The following ST7 variants were observed in gnomAD, a reference collection of about 807,000 sequenced individuals.
The protein encoded by ST7 is suppression of tumorigenicity 7, also known as suppressor of tumorigenicity 7 protein.
ST7 carries 28 observed loss-of-function variants against 78.7 expected under a neutral mutation model. The ratio of observed to expected loss-of-function variants is 0.36; its 90% CI spans 0.26 to 0.49. ST7 has a LOEUF of 0.49. ST7 is among the 20% of genes least tolerant of loss of function. The pLI is 0.99. For missense variants in ST7, 418 were observed against 696.0 expected (o/e 0.60, Z 4.49); for synonymous variants, 247 against 249.6 (o/e 0.99, Z 0.10).
chr7:117,145,204 CA>C (rs57611948), intron 9 of ST7, among the ~76,000 whole-genome samples: 40,875 of 150,360 alleles, frequency 0.27, 6,896 homozygotes, highest in African/African-American at 0.49. Context: ...GACCCCATCT[CA>C]AAAAAAAAGT....
rs1389441044 is a variant in ST7, at chr7:117,219,543, A to C, written c.1498+367A>C. Among the ~76,000 whole-genome samples the C allele has an allele frequency of 1.3e-5, 2 of 152,048 alleles. No individual in the cohort carries two copies. The highest frequency in any genetic ancestry group is 2.4e-5 in the African/African-American group (1 of 41,360). On this transcript the variant is annotated intron_variant, in intron 14 of 15. Transcript: ENST00000323984. This position sits in a 1 kb window ranked among gnomAD's most constrained non-coding sequence, Gnocchi z 5.1. Reference sequence around the variant, plus strand: ...GACAGATGTGGTCTGCACCGACCGGAGTTTGAAGAGGAGCTGCTGACTGAG... The same window carrying C: ...GACAGATGTGGTCTGCACCGACCGGCGTTTGAAGAGGAGCTGCTGACTGAG...
chr7:117,020,356 C>T (rs1795825266), intron 1 of ST7: 1 of 474,800 alleles, frequency 2.1e-6, no homozygotes, highest in Admixed American at 3.7e-5. Flanking sequence ...AGTGGATTTT[C>T]AAAAGCAGCT....
At chr7:117,178,833 C>T (rs893006039) in intron 10 of ST7, among the ~76,000 whole-genome samples, 3 of 152,162 alleles carry the variant, frequency 2.0e-5, no homozygotes, top group Non-Finnish European at 4.4e-5. Flanking sequence ...GACATTTCTT[C>T]CAAGATTATT....
chr7:117,067,108 A>G (rs1798679912), intron 1 of ST7, among the ~76,000 whole-genome samples: 1 of 152,148 alleles, frequency 6.6e-6, no homozygotes. Flanking sequence ...ATTTTATTAT[A>G]TGGATATACC....
chr7:117,172,249 G>C (rs894367353), intron 10 of ST7, among the ~76,000 whole-genome samples: 9 of 152,064 alleles, frequency 5.9e-5, no homozygotes, highest in African/African-American at 2.2e-4. Flanking sequence ...CTGGCCATTG[G>C]GTCTTATTTT....
At chr7:117,077,265 G>T (rs762453936) in intron 1 of ST7, among the ~76,000 whole-genome samples, 21 of 152,254 alleles carry the variant, frequency 1.4e-4, no homozygotes, top group Admixed American at 1.2e-3. Context: ...TAGGAAAAGG[G>T]AACATTTGAG....
chr7:117,034,027 A>T (rs1462220393), intron 1 of ST7, among the ~76,000 whole-genome samples: 3 of 152,044 alleles, frequency 2.0e-5, no homozygotes, highest in Non-Finnish European at 2.9e-5. Context: ...TTGCAGCCTC[A>T]ACCTCTGGGC....
intron 1 of ST7, among the ~76,000 whole-genome samples, chr7:117,053,795 T>C (rs1268708859): frequency 2.0e-5 from 3 of 151,276 alleles, no homozygotes; most frequent in Non-Finnish European, 4.4e-5. Flanking sequence ...TGTGGGAGAG[T>C]GATGTACTGA....
At chr7:117,168,231 AC>A (rs1807715485) in intron 9 of ST7, among the ~76,000 whole-genome samples, 1 of 152,124 alleles carries the variant, frequency 6.6e-6, no homozygotes, top group African/African-American at 2.4e-5. Flanking sequence ...CTAGCATCTT[AC>A]CTTAAGTTCT....
intron 1 of ST7, chr7:116,972,221 G>A (rs572953184): frequency 1.7e-5 from 9 of 535,902 alleles, no homozygotes; most frequent in Middle Eastern, 5.3e-4. Context: ...GTACAGAGGC[G>A]CTGTCCTTTG....
At chr7:117,009,445 G>A (rs1251273783) in intron 1 of ST7, among the ~76,000 whole-genome samples, 1 of 151,810 alleles carries the variant, frequency 6.6e-6, no homozygotes, top group Admixed American at 6.6e-5. Flanking sequence ...TCTGGCTTGG[G>A]TACCTCCCTG....
chr7:117,223,806 C>A (rs989997234), intron 15 of ST7: 21 of 239,804 alleles, frequency 8.8e-5, no homozygotes, highest in Non-Finnish European at 1.2e-4. Context: ...AATGTGAGCT[C>A]CTTGAGAGCA....
intron 10 of ST7, among the ~76,000 whole-genome samples, chr7:117,183,033 G>A (rs1391698035): frequency 6.6e-6 from 1 of 152,158 alleles, no homozygotes; most frequent in Non-Finnish European, 1.5e-5. Context: ...TAAAAGGCAA[G>A]TAAAATGTTA....
At chr7:116,984,427 T>C (rs939637789) in intron 1 of ST7, among the ~76,000 whole-genome samples, 1 of 152,210 alleles carries the variant, frequency 6.6e-6, no homozygotes, top group Non-Finnish European at 1.5e-5. Context: ...TGTTATACAA[T>C]AGCGCATCTC....
chr7:117,079,767 A>T (rs924820820), intron 1 of ST7, among the ~76,000 whole-genome samples: 1 of 152,080 alleles, frequency 6.6e-6, no homozygotes, highest in African/African-American at 2.4e-5. Context: ...GTGTAAAATA[A>T]AAGTTCCATG....
rs78276629 is a variant in ST7, at chr7:117,190,423, C to T, written c.1152-411C>T. 4.4e-3 allele frequency among the ~76,000 whole-genome samples: 663 copies of T among 152,342 alleles called. 1 individual carries two copies. The highest frequency in any genetic ancestry group is 0.015 in the African/African-American group (623 of 41,574). ...GATTTAACCTCCATCGCAGCACTGACATTGGGTGGGAGGCCTCCTTTCAAA... is the reference window on the plus strand; with the variant it reads ...GATTTAACCTCCATCGCAGCACTGATATTGGGTGGGAGGCCTCCTTTCAAA... On this transcript the variant is annotated intron_variant, in intron 11 of 15. Transcript: ENST00000323984. This position sits in a 1 kb window ranked among gnomAD's most constrained non-coding sequence, Gnocchi z 5.2.
chr7:117,200,062 C>T (rs537328261), intron 12 of ST7, among the ~76,000 whole-genome samples: 6 of 152,134 alleles, frequency 3.9e-5, no homozygotes, highest in East Asian at 1.9e-4. Flanking sequence ...TCCCAAGTCA[C>T]GGGGTCTTCA....
At chr7:117,097,459 G>A (rs1461066006) in intron 1 of ST7, among the ~76,000 whole-genome samples, 9 of 151,662 alleles carry the variant, frequency 5.9e-5, no homozygotes, top group Admixed American at 2.6e-4. Flanking sequence ...CCAAGTTGCT[G>A]GGATTACAGG....
rs1188824339 is a variant in ST7 at position 117,230,085 on chromosome 7, C to A, written c.*228C>A. 1 of 698,924 alleles carries A rather than the reference C, an allele frequency of 1.4e-6. No homozygotes were observed. Among genetic ancestry groups the A allele is most frequent in the Admixed American group, 2.1e-5 (1 of 48,738 alleles). The allele number at this position is 698,924 out of a possible 1,614,324, so 43.3% of individuals were successfully genotyped here. A position where few individuals can be genotyped will look rare whatever the true frequency, so the allele number is the denominator to read the frequency against. On this transcript the variant is annotated 3_prime_UTR_variant, in exon 16 of 16. Transcript: ENST00000323984. ...GAAAAGAAGAAAGTCAAAAATAAAACTTTTGTGTATTACAGCAATCATTTG... is the reference window on the plus strand; with the variant it reads ...GAAAAGAAGAAAGTCAAAAATAAAAATTTTGTGTATTACAGCAATCATTTG...
Sources: allele counts gnomAD v4.1 joint callset (sites outside exome capture counted in the v4.1 genomes callset), GRCh38; gene constraint gnomAD v4.1.1; non-coding constraint Gnocchi (gnomAD v3.1); transcripts MANE v1.5; gene names NCBI Gene and HGNC (gene_info 2026-07-23, HGNC 2026-07-21).